The following SNTG2 variants were observed in gnomAD, a reference collection of about 807,000 sequenced individuals.
The protein encoded by SNTG2 is gamma-2-syntrophin.
SNTG2 carries 74 observed loss-of-function variants against 70.9 expected under a neutral mutation model. The ratio of observed to expected loss-of-function variants is 1.04; its 90% CI spans 0.86 to 1.27. The LOEUF (loss-of-function observed/expected upper bound fraction) is 1.27, where lower values mean the gene tolerates loss of function less well. Ranked by LOEUF, SNTG2 falls within the 50% of genes most tolerant of loss-of-function variation. The pLI is 0.00. For synonymous variants in SNTG2, 278 were observed against 273.8 expected (o/e 1.02, Z -0.15); for missense variants, 717 against 690.7 (o/e 1.04, Z -0.43).
intron 8 of SNTG2, among the ~76,000 whole-genome samples, chr2:1,178,341 T>A (rs942125231): frequency 2.6e-5 from 4 of 152,196 alleles, no homozygotes; most frequent in Non-Finnish European, 4.4e-5. Flanking sequence ...AACACTATGT[T>A]GAATAGGAGT....
intron 4 of SNTG2, among the ~76,000 whole-genome samples, chr2:1,136,896 C>T (rs761634008): frequency 6.6e-6 from 1 of 152,250 alleles, no homozygotes; most frequent in Non-Finnish European, 1.5e-5. Context: ...TGATCAGAGC[C>T]GTCTCTGTAC....
chr2:1,222,011 GTCTCTCTCTGTCTCTGCCTA>G lies in SNTG2; in HGVS notation c.719+12787_719+12806del, dbSNP rs1675087156. Among the ~76,000 whole-genome samples the G allele has an allele frequency of 3.9e-3, 232 of 59,282 alleles. 71 individuals are homozygous for G. Among genetic ancestry groups the G allele is most frequent in the Non-Finnish European group, 7.6e-3 (190 of 24,928 alleles). The allele number at this position is 59,282 out of a possible 152,430, so 38.9% of individuals were successfully genotyped here. ...TCTGTCTCTGTCTCTGTCTCTCTCTGTCTCTCTCTGTCTCTGCCTATCTCTGTCTCTCTCTGTCTCTCTCT... is the reference window on the plus strand; with the variant it reads ...TCTGTCTCTGTCTCTGTCTCTCTCTGTCTCTGTCTCTCTCTGTCTCTCTCT... On this transcript the variant is annotated intron_variant, in intron 9 of 16. Coordinates refer to ENST00000308624, the MANE Select transcript of SNTG2 (RefSeq NM_018968.4).
At chr2:1,361,720 CGATGCTGAGCATTTCAGTAG>C (rs1661162198) in intron 16 of SNTG2, among the ~76,000 whole-genome samples, 2 of 146,594 alleles carry the variant, frequency 1.4e-5, no homozygotes, top group South Asian at 2.2e-4. Context: ...TGAAGGTCAC[CGATGCTGAGCATTTCAGTAG>C]AACTTCCATG....
chr2:1,158,188 A>G (rs1670028050), intron 6 of SNTG2: 1 of 152,242 alleles, frequency 6.6e-6, no homozygotes, highest in Non-Finnish European at 1.5e-5. Context: ...AAATATAATA[A>G]AAGTATCCTG....
At chr2:1,031,529 T>TATATATATATATA (rs372970926) in intron 1 of SNTG2, among the ~76,000 whole-genome samples, 299 of 42,226 alleles carry the variant, frequency 7.1e-3, no homozygotes, top group Middle Eastern at 0.012. Context: ...TATATATATA[T>TATATATATATATA]TTTTTTTTTT....
chr2:1,003,092 T>C (rs1398799074), intron 1 of SNTG2, among the ~76,000 whole-genome samples: 1 of 151,912 alleles, frequency 6.6e-6, no homozygotes, highest in Non-Finnish European at 1.5e-5. Flanking sequence ...ACCTGGAGAC[T>C]CAGAAAGTGG....
At chr2:1,258,041 G>A (rs1166623277) in intron 12 of SNTG2, among the ~76,000 whole-genome samples, 1 of 152,092 alleles carries the variant, frequency 6.6e-6, no homozygotes, top group Non-Finnish European at 1.5e-5. Context: ...CCACAATTCT[G>A]TATTTGCCAG....
chr2:1,093,211 T>G (rs1370395663), intron 2 of SNTG2, among the ~76,000 whole-genome samples: 1 of 152,164 alleles, frequency 6.6e-6, no homozygotes, highest in African/African-American at 2.4e-5. Context: ...TTGTGGGTCC[T>G]TGACTTTAAG....
intron 13 of SNTG2, among the ~76,000 whole-genome samples, chr2:1,263,462 T>A (rs964254872): frequency 6.6e-6 from 1 of 152,084 alleles, no homozygotes; most frequent in Non-Finnish European, 1.5e-5. Context: ...ATAATAAATA[T>A]AAATAGAAAA....
intron 6 of SNTG2, among the ~76,000 whole-genome samples, chr2:1,142,203 A>G (rs763346900): frequency 5.9e-5 from 9 of 152,170 alleles, no homozygotes; most frequent in Non-Finnish European, 1.0e-4. Flanking sequence ...ATCAATTGCA[A>G]CTGCAATGTA....
At chr2:1,225,988 T>C (rs1472782363) in intron 9 of SNTG2, among the ~76,000 whole-genome samples, 2 of 152,010 alleles carry the variant, frequency 1.3e-5, no homozygotes, top group East Asian at 3.9e-4. Flanking sequence ...TTTAATACCA[T>C]TCACTACACT....
chr2:1,293,762 C>G (rs570845009), intron 14 of SNTG2, among the ~76,000 whole-genome samples: 37 of 152,164 alleles, frequency 2.4e-4, no homozygotes, highest in African/African-American at 8.9e-4. Context: ...TGTTTTGCGG[C>G]CGAGCATGTG....
At chr2:1,254,517 A>G (rs1012041462) in intron 12 of SNTG2, among the ~76,000 whole-genome samples, 29 of 131,788 alleles carry the variant, frequency 2.2e-4, no homozygotes, top group Non-Finnish European at 3.3e-4. Context: ...AAGAATTATT[A>G]GCAATTTAAG....
At chr2:1,053,742 A>G (rs961066129) in intron 1 of SNTG2, among the ~76,000 whole-genome samples, 1 of 151,752 alleles carries the variant, frequency 6.6e-6, no homozygotes, top group Non-Finnish European at 1.5e-5. Flanking sequence ...TTTTCATTTG[A>G]CTTTATTGCA....
chr2:1,159,286 G>C (rs931918450), intron 6 of SNTG2: 1 of 149,750 alleles, frequency 6.7e-6, no homozygotes, highest in Non-Finnish European at 1.5e-5. Flanking sequence ...TGTGGGGGGT[G>C]TATATGTGTG....
At chr2:1,166,719 C>G (rs7574072) in intron 7 of SNTG2, among the ~76,000 whole-genome samples, 2 of 152,238 alleles carry the variant, frequency 1.3e-5, no homozygotes, top group Admixed American at 1.3e-4. Flanking sequence ...CCAAATGTTG[C>G]GTTTTCCAGT....
At chr2:1,125,068 GTTA>G (rs758719545) in intron 4 of SNTG2, among the ~76,000 whole-genome samples, 6 of 152,078 alleles carry the variant, frequency 3.9e-5, no homozygotes, top group South Asian at 4.1e-4. Context: ...TAGACATACT[GTTA>G]TTATTAATAG....
At chr2:1,099,078 G>T (rs985980036) in intron 4 of SNTG2, among the ~76,000 whole-genome samples, 12 of 152,178 alleles carry the variant, frequency 7.9e-5, no homozygotes, top group Non-Finnish European at 7.3e-5. Flanking sequence ...AACCCCCTGC[G>T]GTAAACTCCA....
intron 8 of SNTG2, among the ~76,000 whole-genome samples, chr2:1,185,553 G>A (rs1021298168): frequency 1.3e-5 from 2 of 152,210 alleles, no homozygotes; most frequent in African/African-American, 4.8e-5. Flanking sequence ...CTTGACTCTT[G>A]CCCTCTGGGC....
Sources: allele counts gnomAD v4.1 joint callset (sites outside exome capture counted in the v4.1 genomes callset), GRCh38; gene constraint gnomAD v4.1.1; transcripts MANE v1.5; gene names NCBI Gene and HGNC (gene_info 2026-07-23, HGNC 2026-07-21).